ZNF148: variants seen among roughly 807,000 people sequenced by gnomAD.
ZNF148 encodes the protein Beta-Enolase Repressor Factor-1.
In ZNF148, 7 loss-of-function variants were observed where a neutral mutation model predicts 67.7. The observed-to-expected ratio is 0.10, with a 90% CI of 0.06 to 0.19. ZNF148 has a LOEUF of 0.19. Among genes scored for constraint, ZNF148 ranks in the 10% least tolerant of loss-of-function variants. The probability of loss-of-function intolerance (pLI) is 1.00; values close to 1 mark genes in which losing one functional copy is unlikely to be tolerated. For missense variants in ZNF148, 583 were observed against 947.1 expected, an observed-to-expected ratio of 0.62 and a Z score of 5.05; for synonymous variants, 333 against 330.7, an observed-to-expected ratio of 1.01 and a Z score of -0.08.
chr3:125,283,631 T>C (rs1017571717), intron 5 of ZNF148, among the ~76,000 whole-genome samples: 4 of 152,174 alleles, frequency 2.6e-5, no homozygotes, highest in African/African-American at 9.6e-5. Flanking sequence ...TACTATTCCA[T>C]ACTTCCTGTT....
At chr3:125,369,341 TCC>T (rs1942803176) in intron 1 of ZNF148, among the ~76,000 whole-genome samples, 2 of 113,896 alleles carry the variant, frequency 1.8e-5, no homozygotes, top group Non-Finnish European at 3.4e-5. Context: ...TTTCCAGATT[TCC>T]CACACTAAAA....
intron 7 of ZNF148, among the ~76,000 whole-genome samples, chr3:125,240,533 G>A (rs1363320014): frequency 1.3e-5 from 2 of 152,134 alleles, no homozygotes; most frequent in Non-Finnish European, 2.9e-5. Context: ...AGAGGTTCAG[G>A]CGGGAGGATC....
chr3:125,266,804 C>G (rs1937540863), intron 7 of ZNF148, among the ~76,000 whole-genome samples: 1 of 151,874 alleles, frequency 6.6e-6, no homozygotes, highest in Non-Finnish European at 1.5e-5. Context: ...ATTGACAGAC[C>G]ACTAGCTAGA....
At chr3:125,288,333 C>A in intron 4 of ZNF148, 105 bp from the exon 5 acceptor site, 1 of 1,203,574 alleles carries the variant, frequency 8.3e-7, no homozygotes, top group Non-Finnish European at 1.1e-6. Context: ...ACAGGTGCTT[C>A]CAGAATGATG....
Position 125,365,367 on chromosome 3 carries a change from C to T in ZNF148, c.-234+9735G>A, listed in dbSNP as rs186231507. ...CCCATCACTGCTTCTACTCACAATTCATCCCACAGTCCACGTATTTAGTTT... is the reference window on the plus strand; with the variant it reads ...CCCATCACTGCTTCTACTCACAATTTATCCCACAGTCCACGTATTTAGTTT... On this transcript the variant is annotated intron_variant, in intron 1 of 8. Transcript: ENST00000360647. Among the ~76,000 whole-genome samples, 30 of 152,332 alleles carry T rather than the reference C, an allele frequency of 2.0e-4. No homozygotes were observed. The East Asian group carries it at 3.1e-3, about 16-fold the overall frequency.
intron 4 of ZNF148, among the ~76,000 whole-genome samples, chr3:125,293,514 G>A (rs1400026891): frequency 2.0e-5 from 3 of 151,974 alleles, no homozygotes; most frequent in South Asian, 2.1e-4. Flanking sequence ...GAGCTGGGTC[G>A]GGGAAAAATA....
chr3:125,316,434 A>G (rs1385988031), intron 3 of ZNF148, among the ~76,000 whole-genome samples: 5 of 152,198 alleles, frequency 3.3e-5, no homozygotes, highest in Non-Finnish European at 5.9e-5. Flanking sequence ...TTTTCTCCAC[A>G]GTGGTTGTAC....
intron 1 of ZNF148, among the ~76,000 whole-genome samples, chr3:125,354,259 A>G (rs925965818): frequency 1.3e-5 from 2 of 152,104 alleles, no homozygotes; most frequent in African/African-American, 4.8e-5. Context: ...GGAGATGTTC[A>G]CTGCTCCTGC....
chr3:125,332,283 T>C (rs1410717891), intron 1 of ZNF148, among the ~76,000 whole-genome samples: 1 of 152,206 alleles, frequency 6.6e-6, no homozygotes, highest in African/African-American at 2.4e-5. Context: ...AAGCTCCTAA[T>C]TGCTTGCCTC....
intron 1 of ZNF148, among the ~76,000 whole-genome samples, chr3:125,354,651 G>A (rs146181097): frequency 1.1e-3 from 163 of 152,336 alleles, no homozygotes; most frequent in African/African-American, 3.8e-3. Context: ...AATGTGTTAA[G>A]TTCAAGATAC....
At chr3:125,268,412 C>T (rs778951170) in intron 7 of ZNF148, among the ~76,000 whole-genome samples, 2 of 151,936 alleles carry the variant, frequency 1.3e-5, no homozygotes, top group Non-Finnish European at 2.9e-5. Flanking sequence ...AGCTGCACAC[C>T]TACAACCAAT....
intron 1 of ZNF148, chr3:125,338,724 T>A (rs1030819921): frequency 6.6e-6 from 1 of 151,092 alleles, no homozygotes; most frequent in Non-Finnish European, 1.5e-5. Flanking sequence ...ATTACTAGTT[T>A]TAATATGAAA....
At chr3:125,354,728 C>G (rs556394826) in intron 1 of ZNF148, among the ~76,000 whole-genome samples, 1 of 152,280 alleles carries the variant, frequency 6.6e-6, no homozygotes, top group South Asian at 2.1e-4. Flanking sequence ...TCATAACTAA[C>G]TTTAATTGTT....
At chr3:125,312,016 G>A (rs972879079) in intron 4 of ZNF148, among the ~76,000 whole-genome samples, 3 of 152,042 alleles carry the variant, frequency 2.0e-5, no homozygotes, top group African/African-American at 7.2e-5. Flanking sequence ...AAACATTTAA[G>A]GAAGAAATTA....
chr3:125,265,733 AT>A (rs1458132647), intron 7 of ZNF148, among the ~76,000 whole-genome samples: 1 of 152,200 alleles, frequency 6.6e-6, no homozygotes, highest in East Asian at 1.9e-4. Flanking sequence ...TATATGATTG[AT>A]TTTTAAGGTA....
At chr3:125,325,656 G>A (rs780291815) in intron 2 of ZNF148, among the ~76,000 whole-genome samples, 2 of 151,992 alleles carry the variant, frequency 1.3e-5, no homozygotes, top group African/African-American at 2.4e-5. Context: ...GTAGAGACAG[G>A]GTTTCACCAT....
intron 5 of ZNF148, among the ~76,000 whole-genome samples, chr3:125,285,373 A>G (rs1938603261): frequency 6.6e-6 from 1 of 151,914 alleles, no homozygotes; most frequent in Non-Finnish European, 1.5e-5. Flanking sequence ...TTTTATATAC[A>G]CTCCTGAGAA....
At chr3:125,340,250 C>T (rs142500103) in intron 1 of ZNF148, among the ~76,000 whole-genome samples, 1 of 152,308 alleles carries the variant, frequency 6.6e-6, no homozygotes, top group Non-Finnish European at 1.5e-5. Flanking sequence ...ATGGCAACAA[C>T]TCTCTGATGT....
chr3:125,261,731 A>G (rs981147428), intron 7 of ZNF148, among the ~76,000 whole-genome samples: 3 of 151,986 alleles, frequency 2.0e-5, no homozygotes, highest in African/African-American at 7.2e-5. Flanking sequence ...CATGACCATG[A>G]CAGAGGAAGA....
Sources: gnomAD v4.1 joint callset for allele counts (sites outside exome capture counted in the v4.1 genomes callset) on GRCh38, gnomAD v4.1.1 for gene constraint, MANE v1.5 for transcripts, NCBI Gene and HGNC (gene_info 2026-07-23, HGNC 2026-07-21) for gene names.